Variants in FAM110B observed in about 807,000 individuals in gnomAD.
FAM110B encodes the protein family with sequence similarity 110 member B.
FAM110B carries 6 observed loss-of-function variants against 20.4 expected under a neutral mutation model. The ratio of observed to expected loss-of-function variants is 0.29; its 90% CI spans 0.16 to 0.58. FAM110B has a LOEUF of 0.58. Ranked by LOEUF, FAM110B falls within the 20% of genes least tolerant of loss-of-function variation. FAM110B has a pLI of 0.90. For missense variants in FAM110B, 434 were observed against 498.2 expected (o/e 0.87, Z 1.23); for synonymous variants, 226 against 214.1 (o/e 1.06, Z -0.49).
At chr8:58,027,237 T>C (rs150308310) in intron 1 of FAM110B, among the ~76,000 whole-genome samples, 10 of 152,356 alleles carry the variant, frequency 6.6e-5, no homozygotes, top group African/African-American at 2.4e-4. Context: ...AACAATGGAA[T>C]AATTTAGTTT....
chr8:58,071,144 ATC>A (rs1805888122), intron 2 of FAM110B, among the ~76,000 whole-genome samples: 1 of 152,174 alleles, frequency 6.6e-6, no homozygotes, highest in African/African-American at 2.4e-5. Flanking sequence ...AAAATTGATA[ATC>A]TTAAATAATC....
At chr8:58,046,171 A>G (rs1231789809) in intron 2 of FAM110B, among the ~76,000 whole-genome samples, 4 of 152,196 alleles carry the variant, frequency 2.6e-5, no homozygotes, top group Non-Finnish European at 5.9e-5. Context: ...ATAAAATATG[A>G]TATTCATTAA....
At chr8:58,052,440 AACTT>A (rs1445250974) in intron 2 of FAM110B, among the ~76,000 whole-genome samples, 5 of 152,194 alleles carry the variant, frequency 3.3e-5, no homozygotes, top group Non-Finnish European at 2.9e-5. Context: ...ATTTATTGAT[AACTT>A]ACTTATCAAT....
chr8:58,104,685 G>A (rs1295282401), intron 3 of FAM110B, among the ~76,000 whole-genome samples: 1 of 152,050 alleles, frequency 6.6e-6, no homozygotes, highest in East Asian at 1.9e-4. Context: ...TGCCTTCTAT[G>A]CTGTTCTTTA....
chr8:58,017,391 A>C lies in FAM110B; in HGVS notation c.-511-14215A>C, dbSNP rs144625747. 8.4e-3 allele frequency among the ~76,000 whole-genome samples: 1,277 copies of C among 152,312 alleles called. 15 individuals carry two copies. Among genetic ancestry groups the C allele is most frequent in the African/African-American group, 0.029 (1,199 of 41,580 alleles). On this transcript the variant is annotated intron_variant, in intron 1 of 3. Transcript: ENST00000519262. ...GAGTTAAGATGCGAACCAGTTCTTC[A>C]TAAGAATCACTGGAGGCACATATTT...
chr8:58,075,992 T>C (rs759708932), intron 3 of FAM110B, among the ~76,000 whole-genome samples: 16 of 152,170 alleles, frequency 1.1e-4, no homozygotes, highest in Non-Finnish European at 2.1e-4. Flanking sequence ...GATGGGGTTT[T>C]GCCCTGTTGC....
Position 58,081,696 on chromosome 8 carries a change from G to A in FAM110B, c.-325+6073G>A, listed in dbSNP as rs187498548. ...TGGTTCCTCAGAGCTTGTGGGCTGCGTCTTGCCCGAAATCCCCTATCCATT... is the reference window on the plus strand; with the variant it reads ...TGGTTCCTCAGAGCTTGTGGGCTGCATCTTGCCCGAAATCCCCTATCCATT... On this transcript the variant is annotated intron_variant, in intron 3 of 3. Coordinates refer to ENST00000519262, the MANE Select transcript of FAM110B (RefSeq NM_001377989.1). 1.7e-3 allele frequency among the ~76,000 whole-genome samples: 265 copies of A among 152,232 alleles called. 2 individuals are homozygous for A. The highest frequency in any genetic ancestry group is 1.6e-3 in the Admixed American group (25 of 15,290).
At chr8:58,030,932 C>T (rs544393868) in intron 1 of FAM110B, among the ~76,000 whole-genome samples, 4 of 152,272 alleles carry the variant, frequency 2.6e-5, no homozygotes, top group East Asian at 1.9e-4. Context: ...CAGGAGTCTC[C>T]GTTTCTTTCC....
chr8:58,032,735 T>C (rs1018161215), intron 2 of FAM110B: 90 of 152,140 alleles, frequency 5.9e-4, no homozygotes, highest in African/African-American at 2.1e-3. Context: ...TCCCATTGTG[T>C]TAGGAATGCA....
chr8:58,145,545 T>G (rs1257485363), intron 3 of FAM110B, among the ~76,000 whole-genome samples: 1 of 152,224 alleles, frequency 6.6e-6, no homozygotes, highest in Non-Finnish European at 1.5e-5. Context: ...GAACAGGGCT[T>G]GGCTAAGCCC....
intron 1 of FAM110B, among the ~76,000 whole-genome samples, chr8:58,026,680 C>T (rs1031752692): frequency 4.6e-5 from 7 of 152,072 alleles, no homozygotes; most frequent in Admixed American, 3.9e-4. Context: ...CAGAGCAGTG[C>T]CTTCCCTAAC....
intron 3 of FAM110B, among the ~76,000 whole-genome samples, chr8:58,137,468 G>A (rs1803646369): frequency 1.3e-5 from 2 of 152,184 alleles, no homozygotes; most frequent in Non-Finnish European, 2.9e-5. Flanking sequence ...GGCTGAGACA[G>A]GAGAATCATT....
intron 1 of FAM110B, among the ~76,000 whole-genome samples, chr8:58,005,378 C>T (rs751000243): frequency 6.6e-6 from 1 of 152,204 alleles, no homozygotes; most frequent in Non-Finnish European, 1.5e-5. Context: ...CCTGATCACA[C>T]ATCACCTTAA....
intron 2 of FAM110B, among the ~76,000 whole-genome samples, chr8:58,072,266 T>C (rs1347021091): frequency 6.6e-6 from 1 of 152,194 alleles, no homozygotes; most frequent in Non-Finnish European, 1.5e-5. Flanking sequence ...GCAGAGCCCC[T>C]TTGAGGTGTG....
chr8:58,119,093 G>A (rs1282580364), intron 3 of FAM110B, among the ~76,000 whole-genome samples: 2 of 152,194 alleles, frequency 1.3e-5, no homozygotes, highest in Non-Finnish European at 2.9e-5. Context: ...CTGAAATCCA[G>A]AATGGAGCCA....
chr8:58,050,933 C>A (rs146212547), intron 2 of FAM110B, among the ~76,000 whole-genome samples: 1 of 152,190 alleles, frequency 6.6e-6, no homozygotes, highest in Non-Finnish European at 1.5e-5. Flanking sequence ...TTCACCCCAG[C>A]GTTTATACTG....
intron 3 of FAM110B, among the ~76,000 whole-genome samples, chr8:58,090,212 T>G (rs1403311965): frequency 2.0e-5 from 3 of 152,084 alleles, no homozygotes; most frequent in Non-Finnish European, 4.4e-5. Flanking sequence ...CAGGCTGGAG[T>G]GTGGTGGCGT....
At chr8:58,062,833 C>A (rs534127258) in intron 2 of FAM110B, among the ~76,000 whole-genome samples, 1 of 152,208 alleles carries the variant, frequency 6.6e-6, no homozygotes, top group East Asian at 1.9e-4. Context: ...CTGGCCATAT[C>A]TTCCAAGTAT....
At chr8:58,066,043 C>T (rs564959174) in intron 2 of FAM110B, among the ~76,000 whole-genome samples, 1 of 152,248 alleles carries the variant, frequency 6.6e-6, no homozygotes, top group East Asian at 1.9e-4. Context: ...GAACCATGTT[C>T]TGGCCCCAGC....
Sources: gnomAD v4.1 joint callset for allele counts (sites outside exome capture counted in the v4.1 genomes callset) on GRCh38, gnomAD v4.1.1 for gene constraint, MANE v1.5 for transcripts, NCBI Gene and HGNC (gene_info 2026-07-23, HGNC 2026-07-21) for gene names.